The following RASGRF2 variants were observed in gnomAD, a reference collection of about 807,000 sequenced individuals.
The protein encoded by RASGRF2 is Ras protein specific guanine nucleotide releasing factor 2, also known as ras-specific guanine nucleotide-releasing factor 2.
A neutral mutation model predicts 151.0 loss-of-function variants in RASGRF2; 76 were observed. The ratio of observed to expected loss-of-function variants is 0.50; its 90% CI spans 0.42 to 0.61. The LOEUF (loss-of-function observed/expected upper bound fraction) is 0.61. Ranked by LOEUF, RASGRF2 falls within the 20% of genes least tolerant of loss-of-function variation. The probability of loss-of-function intolerance (pLI) is 0.00; values close to 1 mark genes in which losing one functional copy is unlikely to be tolerated. For synonymous variants in RASGRF2, 504 were observed against 566.5 expected (o/e 0.89, Z 1.57); for missense variants, 1,148 against 1,564.6 (o/e 0.73, Z 4.49).
intron 1 of RASGRF2, among the ~76,000 whole-genome samples, chr5:80,968,438 T>C (rs1449954685): frequency 1.3e-5 from 2 of 152,218 alleles, no homozygotes; most frequent in East Asian, 3.9e-4. Flanking sequence ...TTTTTCCTTT[T>C]TGGCATAGCA....
chr5:81,015,965 T>C (rs1321750590), intron 1 of RASGRF2, among the ~76,000 whole-genome samples: 4 of 152,208 alleles, frequency 2.6e-5, no homozygotes, highest in Non-Finnish European at 5.9e-5. Flanking sequence ...TGATTACCAA[T>C]ATAAACCAGG....
At chr5:81,031,447 G>A (rs1008510717) in intron 1 of RASGRF2, among the ~76,000 whole-genome samples, 12 of 152,150 alleles carry the variant, frequency 7.9e-5, no homozygotes, top group South Asian at 2.1e-4. Flanking sequence ...ATAACAAACT[G>A]TCTCTCAGAC....
chr5:81,001,538 C>G (rs113077695), intron 1 of RASGRF2, among the ~76,000 whole-genome samples: 4,236 of 152,190 alleles, frequency 0.028, 207 homozygotes, highest in African/African-American at 0.094. Context: ...CATGAAGATG[C>G]TTCTTGACAC....
chr5:81,056,688 A>G (rs923204575), intron 2 of RASGRF2, among the ~76,000 whole-genome samples: 2 of 151,748 alleles, frequency 1.3e-5, no homozygotes, highest in African/African-American at 4.8e-5. Flanking sequence ...ATCCTTGTTA[A>G]CTTTCTGTCT....
Position 81,085,780 on chromosome 5 carries a change from A to G in RASGRF2, c.1162-22A>G, listed in dbSNP as rs530878804. The G allele has an allele frequency of 7.9e-5, 127 of 1,613,880 alleles. No homozygotes were observed. In the Middle Eastern group the frequency reaches 9.9e-4, roughly 13 times the overall value. ...TCACCCATCCTGATGTCTTGCTCATACTGGCCTCTGTTTGCATCTAGATCC... is the reference window on the plus strand; with the variant it reads ...TCACCCATCCTGATGTCTTGCTCATGCTGGCCTCTGTTTGCATCTAGATCC... On this transcript the variant is annotated intron_variant, in intron 7 of 26. Coordinates refer to ENST00000265080, the MANE Select transcript of RASGRF2 (RefSeq NM_006909.3).
chr5:81,165,293 A>G (rs1178658069), intron 17 of RASGRF2, among the ~76,000 whole-genome samples: 9 of 152,206 alleles, frequency 5.9e-5, no homozygotes, highest in Admixed American at 2.0e-4. Flanking sequence ...CTTCCCATAA[A>G]TGGAAGCAGT....
chr5:81,085,849 C>G lies in RASGRF2; in HGVS notation c.1209C>G (p.Pro403=). 2 of 1,614,046 alleles carry G rather than the reference C, an allele frequency of 1.2e-6. No individual in the cohort carries two copies. The highest frequency in any genetic ancestry group is 1.7e-6 in the Non-Finnish European group (2 of 1,179,998). ...TCCATGAGCTCCTTGCTCACACACCCCATGAGCATGTGGAAAGGAAAAGCC... is the reference window on the plus strand; with the variant it reads ...TCCATGAGCTCCTTGCTCACACACCGCATGAGCATGTGGAAAGGAAAAGCC... ...ITLHELLAHT[P]HEHVERKSLE... Residue 403 remains proline (P), a synonymous_variant, in exon 8 of 27, where the codon CCC becomes CCG. Coordinates refer to ENST00000265080, the MANE Select transcript of RASGRF2 (RefSeq NM_006909.3).
chr5:81,187,174 G>A (rs779489363), intron 18 of RASGRF2, among the ~76,000 whole-genome samples: 5 of 152,140 alleles, frequency 3.3e-5, no homozygotes, highest in Admixed American at 6.5e-5. Flanking sequence ...AGTCAGCATC[G>A]CCCAGGTAAA....
chr5:80,974,583 T>C (rs142697214), intron 1 of RASGRF2, among the ~76,000 whole-genome samples: 4 of 152,310 alleles, frequency 2.6e-5, no homozygotes, highest in Middle Eastern at 3.4e-3. Context: ...TTTTTAATAA[T>C]GTAAAGCTAA....
At chr5:81,038,157 G>T (rs955151677) in intron 1 of RASGRF2, among the ~76,000 whole-genome samples, 3 of 151,982 alleles carry the variant, frequency 2.0e-5, no homozygotes, top group South Asian at 2.1e-4. Flanking sequence ...CAGTTTTTTT[G>T]TAATTATGAA....
chr5:81,001,548 C>T (rs779710961), intron 1 of RASGRF2, among the ~76,000 whole-genome samples: 7 of 152,144 alleles, frequency 4.6e-5, no homozygotes, highest in Non-Finnish European at 7.4e-5. Flanking sequence ...CTTCTTGACA[C>T]TCTTGAGAGT....
At chr5:81,210,858 A>G (rs1276603726) in intron 22 of RASGRF2, among the ~76,000 whole-genome samples, 1 of 152,092 alleles carries the variant, frequency 6.6e-6, no homozygotes, top group East Asian at 1.9e-4. Flanking sequence ...TTAAGACTCA[A>G]TGCAAGGCTG....
At position 81,113,914 on chromosome 5, in the gene RASGRF2, C is replaced by A. The variant is rs1242514103; in HGVS notation, c.2464C>A (p.Gln822Lys). ...GTGTAACAAGCTAAAACGAAGTATT[C>A]AAAAAGGTATTATCTAGCACATTTG... ...DLCNKLKRSI[Q>K]KAVLESAPAD... Residue 822 changes from glutamine (Q) to lysine (K), a missense_variant, in exon 15 of 27, where the codon CAA becomes AAA. By Grantham distance (53) the Gln-to-Lys change is moderately conservative. Transcript: ENST00000265080. 2 of 1,609,542 alleles carry A rather than the reference C, an allele frequency of 1.2e-6. No individual in the cohort carries two copies. The highest frequency in any genetic ancestry group is 1.1e-5 in the South Asian group (1 of 90,184).
intron 1 of RASGRF2, among the ~76,000 whole-genome samples, chr5:81,018,025 C>T (rs1002876861): frequency 1.3e-5 from 2 of 152,068 alleles, no homozygotes; most frequent in African/African-American, 4.8e-5. Flanking sequence ...AGAAGAATCA[C>T]TTGAACCTGG....
chr5:81,070,536 A>G lies in RASGRF2; in HGVS notation c.588A>G (p.Gln196=), dbSNP rs1318089050. Residue 196 remains glutamine (Q), a synonymous_variant, in exon 4 of 27, where the codon CAA becomes CAG. Transcript: ENST00000265080. ...NKTKERMRPY[Q]SNQEDEDPDI... ...CCAAAGAACGAATGCGACCTTACCA[A>G]AGCAACCAAGAAGACGAAGATCCAG... 2.5e-6 allele frequency: 4 copies of G among 1,611,964 alleles called. No homozygotes were observed. Among genetic ancestry groups the G allele is most frequent in the Non-Finnish European group, 3.4e-6 (4 of 1,178,032 alleles).
chr5:81,196,891 A>C (rs911738100), intron 18 of RASGRF2, among the ~76,000 whole-genome samples: 2 of 152,280 alleles, frequency 1.3e-5, no homozygotes, highest in Non-Finnish European at 2.9e-5. Flanking sequence ...GATTGATGAA[A>C]GTGAGAGCAT....
chr5:81,090,143 T>C (rs1255592076), intron 9 of RASGRF2, among the ~76,000 whole-genome samples: 1 of 152,250 alleles, frequency 6.6e-6, no homozygotes, highest in Non-Finnish European at 1.5e-5. Flanking sequence ...AATGTACCAG[T>C]GTTCTCTGAA....
intron 1 of RASGRF2, among the ~76,000 whole-genome samples, chr5:81,034,673 A>G (rs1750404264): frequency 6.6e-6 from 1 of 151,594 alleles, no homozygotes; most frequent in Non-Finnish European, 1.5e-5. Context: ...ATTGGAAATC[A>G]TCATTCTCAG....
chr5:81,169,641 A>G (rs1055188931), intron 17 of RASGRF2, among the ~76,000 whole-genome samples: 7 of 152,302 alleles, frequency 4.6e-5, no homozygotes, highest in African/African-American at 1.7e-4. Context: ...CCTGTTTCCA[A>G]ATAAAGTAAC....
Sources: allele counts gnomAD v4.1 joint callset (sites outside exome capture counted in the v4.1 genomes callset), GRCh38; gene constraint gnomAD v4.1.1; transcripts MANE v1.5; gene names NCBI Gene and HGNC (gene_info 2026-07-23, HGNC 2026-07-21).